MAGI2: variants seen among roughly 807,000 people sequenced by gnomAD.
MAGI2 encodes the protein membrane associated guanylate kinase, WW and PDZ domain containing 2.
MAGI2 carries 35 observed loss-of-function variants against 133.3 expected under a neutral mutation model. The ratio of observed to expected loss-of-function variants is 0.26; its 90% CI spans 0.20 to 0.35. MAGI2 has a LOEUF of 0.35. Among genes scored for constraint, MAGI2 ranks in the 10% least tolerant of loss-of-function variants. The pLI is 1.00. For missense variants in MAGI2, 1,636 were observed against 1,863.4 expected (o/e 0.88, Z 2.25); for synonymous variants, 729 against 710.6 (o/e 1.03, Z -0.41).
At chr7:78,621,500 G>C (rs1371525530) in intron 3 of MAGI2, among the ~76,000 whole-genome samples, 1 of 152,032 alleles carries the variant, frequency 6.6e-6, no homozygotes, top group Non-Finnish European at 1.5e-5. Flanking sequence ...ACCAACACCT[G>C]ATGGTTACTA....
At chr7:78,756,628 T>C (rs899563452) in intron 2 of MAGI2, among the ~76,000 whole-genome samples, 6 of 152,096 alleles carry the variant, frequency 3.9e-5, no homozygotes, top group Admixed American at 1.3e-4. Context: ...CCTAAGAGTA[T>C]TGTGGAAGAA....
At chr7:78,521,337 C>T in intron 4 of MAGI2, 93 bp downstream of exon 4, 1 of 787,338 alleles carries the variant, frequency 1.3e-6, no homozygotes, top group South Asian at 1.7e-5. Flanking sequence ...TACTATGTAT[C>T]TGTATATATA....
intron 2 of MAGI2, among the ~76,000 whole-genome samples, chr7:78,879,905 T>C (rs1795716277): frequency 6.6e-6 from 1 of 152,056 alleles, no homozygotes; most frequent in Admixed American, 6.6e-5. Flanking sequence ...ATTGCAAAAC[T>C]TCACTTAAGG....
intron 9 of MAGI2, among the ~76,000 whole-genome samples, chr7:78,276,623 G>A (rs1348540214): frequency 9.7e-6 from 1 of 102,988 alleles, no homozygotes; most frequent in East Asian, 3.0e-4. Flanking sequence ...ACAATTTACT[G>A]ACTATAGTTG....
At chr7:78,427,848 G>A (rs1436582691) in intron 6 of MAGI2, among the ~76,000 whole-genome samples, 1 of 151,962 alleles carries the variant, frequency 6.6e-6, no homozygotes, top group African/African-American at 2.4e-5. Context: ...AATGAGTACT[G>A]TATTTTGTGT....
chr7:78,249,086 C>T (rs929346995), intron 10 of MAGI2, among the ~76,000 whole-genome samples: 5 of 151,594 alleles, frequency 3.3e-5, no homozygotes, highest in African/African-American at 7.3e-5. Flanking sequence ...AAAAGACATA[C>T]GAATGGCTAA....
chr7:79,391,828 C>T (rs926414804), intron 1 of MAGI2, among the ~76,000 whole-genome samples: 7 of 151,932 alleles, frequency 4.6e-5, no homozygotes, highest in African/African-American at 1.4e-4. Context: ...GGACTACAGG[C>T]GCACGCCACC....
chr7:78,894,646 A>G (rs1797060115), intron 2 of MAGI2, among the ~76,000 whole-genome samples: 1 of 152,194 alleles, frequency 6.6e-6, no homozygotes, highest in Non-Finnish European at 1.5e-5. Context: ...AAACCAGTTT[A>G]AATTTAAGAT....
At chr7:79,435,522 T>C (rs1039133428) in intron 1 of MAGI2, among the ~76,000 whole-genome samples, 1 of 152,220 alleles carries the variant, frequency 6.6e-6, no homozygotes, top group African/African-American at 2.4e-5. Context: ...CACTGTGTTA[T>C]AAATGCCATT....
chr7:78,859,660 G>A (rs1793989577), intron 2 of MAGI2, among the ~76,000 whole-genome samples: 1 of 146,726 alleles, frequency 6.8e-6, no homozygotes, highest in African/African-American at 2.5e-5. Context: ...TTTCTCTCTG[G>A]CTGCCCTTAA....
chr7:79,307,534 A>C (rs1043254253), intron 1 of MAGI2, among the ~76,000 whole-genome samples: 1 of 152,158 alleles, frequency 6.6e-6, no homozygotes, highest in African/African-American at 2.4e-5. Flanking sequence ...CATCTATGGG[A>C]AAATGGTTTC....
chr7:79,440,884 C>T (rs531152104), intron 1 of MAGI2, among the ~76,000 whole-genome samples: 17 of 152,318 alleles, frequency 1.1e-4, no homozygotes, highest in African/African-American at 3.6e-4. Context: ...CTCCACCTTT[C>T]GGCTAGCTCT....
chr7:79,227,144 A>G (rs1248550279), intron 1 of MAGI2, among the ~76,000 whole-genome samples: 3 of 152,184 alleles, frequency 2.0e-5, no homozygotes, highest in African/African-American at 7.2e-5. Context: ...AATAAATAGT[A>G]TGAGTGTTCT....
intron 2 of MAGI2, among the ~76,000 whole-genome samples, chr7:78,630,839 T>C (rs1181365754): frequency 6.6e-6 from 1 of 152,214 alleles, no homozygotes; most frequent in East Asian, 1.9e-4. Flanking sequence ...ATACATTTTA[T>C]ATTTTATCAA....
At chr7:78,295,628 A>G (rs1444555569) in intron 9 of MAGI2, among the ~76,000 whole-genome samples, 1 of 152,128 alleles carries the variant, frequency 6.6e-6, no homozygotes, top group Non-Finnish European at 1.5e-5. Flanking sequence ...TACACTAGCA[A>G]TTGCTAGTCC....
chr7:79,436,679 T>A (rs988578631), intron 1 of MAGI2, among the ~76,000 whole-genome samples: 4 of 152,102 alleles, frequency 2.6e-5, no homozygotes, highest in African/African-American at 9.7e-5. Flanking sequence ...TGGTTACTAT[T>A]AAAAAGTCAA....
At chr7:78,848,155 C>A (rs141898278) in intron 2 of MAGI2, among the ~76,000 whole-genome samples, 2 of 151,958 alleles carry the variant, frequency 1.3e-5, no homozygotes, top group Non-Finnish European at 2.9e-5. Flanking sequence ...AAAGGCACTC[C>A]AAGTTCTCCA....
At chr7:79,205,816 T>C in intron 1 of MAGI2, among the ~76,000 whole-genome samples, 1 of 151,516 alleles carries the variant, frequency 6.6e-6, no homozygotes, top group South Asian at 2.1e-4. Flanking sequence ...AAATAACCTG[T>C]TATAACTATA....
At chr7:79,403,842 A>G (rs1845628324) in intron 1 of MAGI2, among the ~76,000 whole-genome samples, 1 of 152,190 alleles carries the variant, frequency 6.6e-6, no homozygotes, top group African/African-American at 2.4e-5. Flanking sequence ...TATATTGTAT[A>G]AAACAAAAGC....
Sources: allele counts gnomAD v4.1 joint callset (sites outside exome capture counted in the v4.1 genomes callset), GRCh38; gene constraint gnomAD v4.1.1; transcripts MANE v1.5; gene names NCBI Gene and HGNC (gene_info 2026-07-23, HGNC 2026-07-21).